HEXD: variants seen among roughly 807,000 people sequenced by gnomAD.
The protein encoded by HEXD is N-acetyl-beta-galactosaminidase.
HEXD carries 47 observed loss-of-function variants against 54.2 expected under a neutral mutation model. The observed-to-expected ratio is 0.87, with a 90% CI of 0.69 to 1.11. The LOEUF (loss-of-function observed/expected upper bound fraction) is 1.11, where lower values mean the gene tolerates loss of function less well. Among genes scored for constraint, HEXD ranks in the 50% least tolerant of loss-of-function variants. The pLI is 0.00. For missense variants in HEXD, 576 were observed against 649.2 expected (o/e 0.89, Z 1.23); for synonymous variants, 293 against 287.6 (o/e 1.02, Z -0.19).
intron 7 of HEXD, 23 bp downstream of exon 7, chr17:82,436,761 T>G (rs770874594): frequency 1.0e-5 from 16 of 1,601,598 alleles, no homozygotes; most frequent in South Asian, 4.5e-5. Context: ...TTGTGGGGGG[T>G]GTGTTGTCCT....
intron 9 of HEXD, chr17:82,440,706 G>A (rs750176392): frequency 2.1e-5 from 10 of 473,538 alleles, no homozygotes; most frequent in Non-Finnish European, 3.8e-5. Context: ...GGGTCGGGCT[G>A]CGCCCAGCAG....
intron 3 of HEXD, among the ~76,000 whole-genome samples, chr17:82,427,546 G>A (rs1322312074): frequency 1.3e-5 from 2 of 152,132 alleles, no homozygotes; most frequent in African/African-American, 2.4e-5. Context: ...GAGATGATCA[G>A]GTGCGATGAG....
intron 3 of HEXD, among the ~76,000 whole-genome samples, chr17:82,424,894 G>A (rs1599724642): frequency 1.3e-5 from 2 of 152,106 alleles, no homozygotes; most frequent in Admixed American, 1.3e-4. Flanking sequence ...GGCTGGGCTA[G>A]AGAAGGCTAG....
intron 9 of HEXD, chr17:82,440,329 C>A (rs894116209): frequency 4.8e-6 from 6 of 1,242,000 alleles, no homozygotes; most frequent in South Asian, 2.7e-5. Flanking sequence ...GACGGGGACG[C>A]GGCCGGTGAG....
At chr17:82,436,929 C>A in intron 7 of HEXD, 191 bp downstream of exon 7, 1 of 626,934 alleles carries the variant, frequency 1.6e-6, no homozygotes, top group Non-Finnish European at 2.8e-6. Flanking sequence ...TCACCTCCCT[C>A]CCTGTTCCAC....
rs2053712718 is a variant in HEXD, at chr17:82,434,789, G to C, written c.448-900G>C. Among the ~76,000 whole-genome samples the C allele has an allele frequency of 2.0e-5, 3 of 151,906 alleles. No individual in the cohort carries two copies. The highest frequency in any genetic ancestry group is 1.3e-4 in the Admixed American group (2 of 15,254). ...GGAGGTGAAGGTTGCAGTGAGCTGA[G>C]ATCACGCCACTGCATACCAGCCTGG... On this transcript the variant is annotated intron_variant, in intron 5 of 12. Coordinates refer to ENST00000327949, the MANE Select transcript of HEXD (RefSeq NM_001330542.2). This position sits in a 1 kb window ranked among gnomAD's most constrained non-coding sequence, Gnocchi z 4.5.
intron 3 of HEXD, 21 bp from the exon 4 acceptor site, chr17:82,428,537 C>T: frequency 3.7e-6 from 6 of 1,609,550 alleles, no homozygotes; most frequent in Admixed American, 3.3e-5. Context: ...GACCCTCTCT[C>T]TATGAATTTT....
rs201760954 is a variant in HEXD, at chr17:82,441,089, A to G, written c.1061+14A>G. ...GGACCCTGTTAGGCAAGCACCCTGC[A>G]GCCCTCCCTGTCCCCTTCTTCCCCT... On this transcript the variant is annotated intron_variant, in intron 10 of 12. Coordinates refer to ENST00000327949, the MANE Select transcript of HEXD (RefSeq NM_001330542.2). 34 of 1,613,504 alleles carry G rather than the reference A, an allele frequency of 2.1e-5. No homozygotes were observed. Among genetic ancestry groups the G allele is most frequent in the Admixed American group, 3.3e-5 (2 of 59,998 alleles).
Position 82,442,573 on chromosome 17 carries a change from C to T in HEXD, c.*189C>T. The T allele has an allele frequency of 1.3e-6, 2 of 1,577,218 alleles. No homozygotes were observed. The highest frequency in any genetic ancestry group is 8.7e-7 in the Non-Finnish European group (1 of 1,152,954). On this transcript the variant is annotated 3_prime_UTR_variant, in exon 13 of 13. Transcript: ENST00000327949. This position sits in a 1 kb window ranked among gnomAD's most constrained non-coding sequence, Gnocchi z 6.8. ...CTAGAAAACACAGAAGGAAGCAGCA[C>T]AGGGAGACCCGCTTTGTGATCTGCA...
In HEXD at chr17:82,441,882, G is replaced by T. The variant is rs918170622; in HGVS notation, c.1246G>T (p.Ala416Ser). ...PVMVQHIQPAALSLLAQWSTL... is the reference protein window; with the variant it reads ...PVMVQHIQPASLSLLAQWSTL... ...CATGGTTCAGCACATCCAGCCCGCA[G>T]CGCTCAGGTGAGGCCCTGGGCTCTT... The change falls in exon 12 of 13, where the codon GCG becomes TCG. Residue 416 changes from alanine to serine, a missense_variant. By Grantham distance (99) the Ala-to-Ser change is moderately conservative (BLOSUM62 1). Transcript: ENST00000327949. The T allele has an allele frequency of 1.2e-6, 2 of 1,613,142 alleles. No individual in the cohort carries two copies. Among genetic ancestry groups the T allele is most frequent in the Non-Finnish European group, 1.7e-6 (2 of 1,179,950 alleles).
chr17:82,439,740 C>T (rs1018471543), intron 9 of HEXD, 27 bp downstream of exon 9: 8 of 1,598,912 alleles, frequency 5.0e-6, no homozygotes, highest in Non-Finnish European at 5.9e-6. Context: ...CACCCCAAGC[C>T]CCACCGGCCC....
At chr17:82,433,226 G>A (rs1207648167) in intron 4 of HEXD, among the ~76,000 whole-genome samples, 2 of 147,560 alleles carry the variant, frequency 1.4e-5, no homozygotes, top group East Asian at 4.0e-4. Context: ...CGAATCACTT[G>A]TGGTCAGGAG....
intron 9 of HEXD, 49 bp downstream of exon 9, chr17:82,439,762 ACC>A: frequency 6.3e-7 from 1 of 1,598,028 alleles, no homozygotes; most frequent in South Asian, 1.1e-5. Context: ...TCCCCGAAAG[ACC>A]CGGAGGGCAG....
intron 8 of HEXD, 32 bp downstream of exon 8, chr17:82,437,395 C>T: frequency 6.6e-7 from 1 of 1,523,856 alleles, no homozygotes; most frequent in Non-Finnish European, 8.8e-7. Context: ...CTCAGAGGGT[C>T]CAGGGCAGCT....
intron 4 of HEXD, among the ~76,000 whole-genome samples, chr17:82,432,241 C>T (rs772117882): frequency 4.6e-4 from 70 of 152,264 alleles, no homozygotes; most frequent in Non-Finnish European, 6.3e-4. Context: ...GTGTGTGGCC[C>T]CCGTCAGCCA....
At chr17:82,440,564 T>C (rs1162417748) in intron 9 of HEXD, 2 of 322,126 alleles carry the variant, frequency 6.2e-6, no homozygotes, top group Admixed American at 9.9e-5. Flanking sequence ...AGCATTTCCA[T>C]GAACACCAAG....
At chr17:82,441,915 G>A (rs773064226) in intron 12 of HEXD, 26 bp downstream of exon 12, 55 of 1,601,060 alleles carry the variant, frequency 3.4e-5, no homozygotes, top group Middle Eastern at 1.7e-4. Flanking sequence ...CTTATAGGCC[G>A]TGCAGCCATG....
At chr17:82,438,110 G>A (rs543336997) in intron 8 of HEXD, among the ~76,000 whole-genome samples, 5 of 152,158 alleles carry the variant, frequency 3.3e-5, no homozygotes, top group South Asian at 2.1e-4. Context: ...GGTGGCACGC[G>A]CCTATGATCC....
At position 82,436,726 on chromosome 17, in the gene HEXD, G is replaced by A. The variant is rs1271833560; in HGVS notation, c.691G>A (p.Val231Met). 17 of 1,612,458 alleles carry A rather than the reference G, an allele frequency of 1.1e-5. No individual in the cohort carries two copies. The South Asian group carries it at 1.7e-4, about 16-fold the overall frequency. Reference protein sequence around the residue: ...VLWDYTADLDVHGKVLLMQKY... With the variant: ...VLWDYTADLDMHGKVLLMQKY... ...CTGGGACTACACGGCCGACCTGGAT[G>A]TGCACGGCAAGGGTCAGTGCCAAGT... is the stretch of plus-strand genomic sequence containing the variant. Residue 231 changes from valine to methionine, a missense_variant, in exon 7 of 13, where the codon GTG (valine) becomes ATG (methionine). By Grantham distance (21) the Val-to-Met change is conservative (BLOSUM62 1). Coordinates refer to ENST00000327949, the MANE Select transcript of HEXD (RefSeq NM_001330542.2).
Sources: allele counts gnomAD v4.1 joint callset (sites outside exome capture counted in the v4.1 genomes callset), GRCh38; gene constraint gnomAD v4.1.1; non-coding constraint Gnocchi (gnomAD v3.1); transcripts MANE v1.5; gene names NCBI Gene and HGNC (gene_info 2026-07-23, HGNC 2026-07-21).